RPS6KL1: variants seen among roughly 807,000 people sequenced by gnomAD.
RPS6KL1 encodes the protein ribosomal protein S6 kinase-like 1.
RPS6KL1 carries 41 observed loss-of-function variants against 57.0 expected under a neutral mutation model. The ratio of observed to expected loss-of-function variants is 0.72; its 90% confidence interval spans 0.56 to 0.93. The LOEUF is 0.93. Ranked by LOEUF, RPS6KL1 falls within the 40% of genes least tolerant of loss-of-function variation. The pLI is 0.00. For missense variants in RPS6KL1, 697 were observed against 727.7 expected (o/e 0.96, Z 0.49); for synonymous variants, 287 against 309.7 (o/e 0.93, Z 0.77).
At chr14:74,910,246 C>G in intron 7 of RPS6KL1, 98 bp from the exon 8 acceptor site, 1 of 1,400,094 alleles carries the variant, frequency 7.1e-7, no homozygotes, top group Non-Finnish European at 9.5e-7. Flanking sequence ...CTGTCTTGGG[C>G]GCAGACTTTC....
intron 3 of RPS6KL1, among the ~76,000 whole-genome samples, chr14:74,920,888 G>A (rs1419610145): frequency 6.6e-6 from 1 of 152,212 alleles, no homozygotes; most frequent in African/African-American, 2.4e-5. Context: ...AGCCTGTGAA[G>A]TGAAACCCCA....
Position 74,906,698 on chromosome 14 carries a change from C to CGCCAGT in RPS6KL1, c.*310_*315dup. ...GTGCAGCAGGTGGTCAACAGCTCAG[C>CGCCAGT]GCCAGTGCCACAGAAGGCAACCTTT... is the stretch of plus-strand genomic sequence containing the variant. On this transcript the variant is annotated 3_prime_UTR_variant, in exon 12 of 12. Transcript: ENST00000557413. The CGCCAGT allele has an allele frequency of 1.8e-6, 1 of 543,836 alleles. No individual in the cohort carries two copies. Among genetic ancestry groups the CGCCAGT allele is most frequent in the South Asian group, 1.5e-5 (1 of 66,364 alleles). 33.7% of individuals were successfully genotyped at this position (543,836 alleles called of 1,614,324 possible). A position where few individuals can be genotyped will look rare whatever the true frequency, so the allele number is the denominator to read the frequency against.
intron 5 of RPS6KL1, among the ~76,000 whole-genome samples, chr14:74,916,270 G>T (rs1886827980): frequency 6.6e-6 from 1 of 152,182 alleles, no homozygotes; most frequent in African/African-American, 2.4e-5. Context: ...CTAATTTGAG[G>T]AAAGTGATGC....
rs541825309 is a variant in RPS6KL1 at position 74,919,324 on chromosome 14, G to A, written c.390+521C>T. Among the ~76,000 whole-genome samples, 76 of 152,374 alleles carry A rather than the reference G, an allele frequency of 5.0e-4. 1 individual carries two copies. Among genetic ancestry groups the A allele is most frequent in the African/African-American group, 1.5e-3 (64 of 41,592 alleles). Reference sequence around the variant, plus strand: ...GCCAAGGAGGGCTGCGTGAGTACGCGCAACCGTGGGGTAAGAAGCGTGCGT... The same window carrying A: ...GCCAAGGAGGGCTGCGTGAGTACGCACAACCGTGGGGTAAGAAGCGTGCGT... On this transcript the variant is annotated intron_variant, in intron 4 of 11. Coordinates refer to ENST00000557413, the MANE Select transcript of RPS6KL1 (RefSeq NM_031464.5).
intron 5 of RPS6KL1, among the ~76,000 whole-genome samples, chr14:74,914,339 T>C (rs1216784860): frequency 6.6e-6 from 1 of 152,210 alleles, no homozygotes; most frequent in Non-Finnish European, 1.5e-5. Context: ...CCACTGTCCC[T>C]TGCCAAGTGG....
chr14:74,910,180 G>A (rs1885685974), intron 7 of RPS6KL1, 32 bp from the exon 8 acceptor site: 1 of 1,493,038 alleles, frequency 6.7e-7, no homozygotes, highest in African/African-American at 1.4e-5. Context: ...GTGAGCGTGG[G>A]GACAGGGAGA....
At chr14:74,907,186 G>T in intron 11 of RPS6KL1, 62 bp from the exon 12 acceptor site, 1 of 1,439,888 alleles carries the variant, frequency 6.9e-7, no homozygotes, top group Non-Finnish European at 9.5e-7. Flanking sequence ...GTGACCTCCA[G>T]GGACTCCAAC....
chr14:74,911,122 T>C, intron 7 of RPS6KL1, 126 bp downstream of exon 7: 1 of 893,362 alleles, frequency 1.1e-6, no homozygotes, highest in Non-Finnish European at 1.8e-6. Context: ...TCCGCCTGCC[T>C]CGGCCTCCCA....
Position 74,910,036 on chromosome 14 carries a change from G to T in RPS6KL1, c.777C>A (p.Leu259=), listed in dbSNP as rs1242735484. 6.2e-7 allele frequency: 1 copy of T among 1,613,492 alleles called. No individual in the cohort carries two copies. The highest frequency in any genetic ancestry group is 8.5e-7 in the Non-Finnish European group (1 of 1,179,846). The change falls in exon 8 of 12, where the codon CTC becomes CTA. Residue 259 remains leucine (L), a synonymous_variant. Transcript: ENST00000557413. ...CTGAGGGAAGCCTCGCTGGGGTCAG[G>T]AGGTTGAGGTGGGGGTTGAGCTGAG... The part of the protein sequence containing the change: ...MKAQLNPHLN[L]LTPARLPSGH...
intron 5 of RPS6KL1, among the ~76,000 whole-genome samples, chr14:74,913,040 G>A (rs1886287382): frequency 6.6e-6 from 1 of 152,238 alleles, no homozygotes; most frequent in African/African-American, 2.4e-5. Flanking sequence ...CCTGCCCTGC[G>A]GACATTCCCC....
Position 74,906,493 on chromosome 14 carries a change from C to T in RPS6KL1, c.*521G>A. 2.1e-6 allele frequency: 1 copy of T among 475,712 alleles called. No homozygotes were observed. The highest frequency in any genetic ancestry group is 1.5e-5 in the South Asian group (1 of 64,976). The allele number at this position is 475,712 out of a possible 1,614,324, so 29.5% of individuals were successfully genotyped here. A position where few individuals can be genotyped will look rare whatever the true frequency, so the allele number is the denominator to read the frequency against. Reference sequence around the variant, plus strand: ...TGGCATCCCTGCTTCTGGGCCTCCCCAGCTGCACGAACAGCTTCTGGTGGA... The same window carrying T: ...TGGCATCCCTGCTTCTGGGCCTCCCTAGCTGCACGAACAGCTTCTGGTGGA... On this transcript the variant is annotated 3_prime_UTR_variant, in exon 12 of 12. Coordinates refer to ENST00000557413, the MANE Select transcript of RPS6KL1 (RefSeq NM_031464.5).
chr14:74,916,232 C>A (rs907133564), intron 5 of RPS6KL1, among the ~76,000 whole-genome samples: 3 of 152,144 alleles, frequency 2.0e-5, no homozygotes, highest in Admixed American at 1.3e-4. Context: ...GCTGCAGGGA[C>A]CCAGGCCCAG....
In RPS6KL1 at chr14:74,908,928, C is replaced by T; in HGVS notation, c.1365G>A (p.Val455=). ...AVDNLYSAPE[V]GGISELTEAC... ...CTTCCGTCAGCTCGGAAATCCCACC[C>T]ACCTCTGTGGGAACAAGAACACAGG... The change falls in exon 10 of 12, where the codon GTG becomes GTA. Residue 455 remains valine (V), a synonymous_variant. Transcript: ENST00000557413. The T allele has an allele frequency of 6.2e-7, 1 of 1,612,986 alleles. No individual in the cohort carries two copies. The highest frequency in any genetic ancestry group is 8.5e-7 in the Non-Finnish European group (1 of 1,179,238).
intron 8 of RPS6KL1, 108 bp from the exon 9 acceptor site, chr14:74,909,298 T>C: frequency 8.4e-7 from 1 of 1,191,422 alleles, no homozygotes; most frequent in Non-Finnish European, 1.2e-6. Flanking sequence ...CCAATGGCCT[T>C]GCTGGGCAGA....
Position 74,918,504 on chromosome 14 carries a change from C to T in RPS6KL1, c.483+9G>A. ...CTCCCTCCTGCAAGGCGAGTGTCCA[C>T]TCACTCACCTTCTCGATGACCCCGA... is the stretch of plus-strand genomic sequence containing the variant. On this transcript the variant is annotated intron_variant, in intron 5 of 11. Coordinates refer to ENST00000557413, the MANE Select transcript of RPS6KL1 (RefSeq NM_031464.5). The T allele has an allele frequency of 6.6e-7, 1 of 1,516,744 alleles. No homozygotes were observed. Among genetic ancestry groups the T allele is most frequent in the Non-Finnish European group, 8.8e-7 (1 of 1,132,468 alleles). The allele number at this position is 1,516,744 out of a possible 1,614,324, so 94.0% of individuals were successfully genotyped here.
intron 8 of RPS6KL1, 123 bp from the exon 9 acceptor site, chr14:74,909,313 C>G (rs753560400): frequency 8.4e-6 from 9 of 1,075,750 alleles, no homozygotes; most frequent in Non-Finnish European, 1.1e-5. Context: ...GGCAGAAACT[C>G]GGCAGGGGCA....
At position 74,922,092 on chromosome 14, in the gene RPS6KL1, C is replaced by A; in HGVS notation, c.-135G>T. 1.3e-6 allele frequency: 1 copy of A among 769,134 alleles called. No individual in the cohort carries two copies. The highest frequency in any genetic ancestry group is 1.6e-6 in the Non-Finnish European group (1 of 627,934). 47.6% of individuals were successfully genotyped at this position (769,134 alleles called of 1,614,324 possible). On this transcript the variant is annotated 5_prime_UTR_variant, in exon 2 of 12. It introduces an in-frame stop codon into an upstream open reading frame of the 5' UTR. Coordinates refer to ENST00000557413, the MANE Select transcript of RPS6KL1 (RefSeq NM_031464.5). ...CCGCGCAGGCCTGGGGCTCTGTTTT[C>A]CTTTCCAGTCAAATTCAGTTCAGCA...
Position 74,905,787 on chromosome 14 carries a change from CCAT to C in RPS6KL1, c.*1224_*1226del, listed in dbSNP as rs1884703024. The C allele has an allele frequency of 6.6e-6, 1 of 152,410 alleles. No homozygotes were observed. The highest frequency in any genetic ancestry group is 2.4e-5 in the African/African-American group (1 of 41,454). 9.4% of individuals were successfully genotyped at this position (152,410 alleles called of 1,614,324 possible). On this transcript the variant is annotated 3_prime_UTR_variant, in exon 12 of 12. Transcript: ENST00000557413. ...AGCCCGAGGAAGTCAAGTCTCCCCACCATGAGTGAGGGGTCTGGTCTGACAGTT... is the reference window on the plus strand; with the variant it reads ...AGCCCGAGGAAGTCAAGTCTCCCCACGAGTGAGGGGTCTGGTCTGACAGTT...
intron 8 of RPS6KL1, 100 bp downstream of exon 8, chr14:74,909,443 G>C (rs934208072): frequency 1.5e-5 from 22 of 1,442,460 alleles, no homozygotes; most frequent in Admixed American, 2.4e-5. Context: ...GGCCAGGGAG[G>C]AGCAGACAAC....
Sources: gnomAD v4.1 joint callset for allele counts (sites outside exome capture counted in the v4.1 genomes callset) on GRCh38, gnomAD v4.1.1 for gene constraint, MANE v1.5 for transcripts, NCBI Gene and HGNC (gene_info 2026-07-23, HGNC 2026-07-21) for gene names.